PTGIS: variants seen among roughly 807,000 people sequenced by gnomAD.
PTGIS encodes the protein prostaglandin I2 synthase.
Under a neutral mutation model 50.3 loss-of-function variants are expected in PTGIS, and 45 were observed. The ratio of observed to expected loss-of-function variants is 0.90; its 90% CI spans 0.70 to 1.15. The LOEUF (loss-of-function observed/expected upper bound fraction) is 1.15, where lower values mean the gene tolerates loss of function less well. PTGIS is among the 50% of genes most tolerant of loss of function. PTGIS has a pLI of 0.00. For synonymous variants in PTGIS, 260 were observed against 267.7 expected (o/e 0.97, Z 0.28); for missense variants, 668 against 661.3 (o/e 1.01, Z -0.11).
chr20:49,514,856 C>T lies in PTGIS; in HGVS notation c.856-461G>A, dbSNP rs529054662. Reference sequence around the variant, plus strand: ...CCTGCCCTTTGAATTTATGCTCAGCCGTGGACTTGCTTTGGCCAATAGATT... The same window carrying T: ...CCTGCCCTTTGAATTTATGCTCAGCTGTGGACTTGCTTTGGCCAATAGATT... On this transcript the variant is annotated intron_variant, in intron 6 of 9. Coordinates refer to ENST00000244043, the MANE Select transcript of PTGIS (RefSeq NM_000961.4). 1.8e-4 allele frequency among the ~76,000 whole-genome samples: 28 copies of T among 152,290 alleles called. 1 individual carries two copies. In the Middle Eastern group the frequency reaches 0.017, roughly 92 times the overall value.
intron 5 of PTGIS, among the ~76,000 whole-genome samples, chr20:49,537,410 A>T (rs1982107075): frequency 1.3e-5 from 2 of 152,230 alleles, no homozygotes; most frequent in South Asian, 4.1e-4. Flanking sequence ...AGTTGAGTGA[A>T]AGCTGTAAGC....
rs181633053 is a variant in PTGIS, at chr20:49,556,878, T to C, written c.75-6689A>G. On this transcript the variant is annotated intron_variant, in intron 1 of 9. Coordinates refer to ENST00000244043, the MANE Select transcript of PTGIS (RefSeq NM_000961.4). Reference sequence around the variant, plus strand: ...TTCAATGTTTTCCCTTCTTTTTTTTTTCCTCCCCTCATTTTTCCTGATGTG... The same window carrying C: ...TTCAATGTTTTCCCTTCTTTTTTTTCTCCTCCCCTCATTTTTCCTGATGTG... Among the ~76,000 whole-genome samples the C allele has an allele frequency of 7.4e-4, 112 of 152,312 alleles. 1 individual carries two copies. The South Asian group carries it at 0.019, about 26-fold the overall frequency.
intron 5 of PTGIS, among the ~76,000 whole-genome samples, chr20:49,531,462 G>A (rs1277858704): frequency 1.3e-5 from 2 of 152,044 alleles, no homozygotes; most frequent in Non-Finnish European, 2.9e-5. Context: ...CACTACAGAC[G>A]TTCAACAAAA....
chr20:49,522,527 T>G (rs2122852842), intron 6 of PTGIS, among the ~76,000 whole-genome samples: 1 of 152,094 alleles, frequency 6.6e-6, no homozygotes, highest in Admixed American at 6.5e-5. Context: ...GGAATCTCAC[T>G]ATGTTGCCCA....
chr20:49,545,004 G>A (rs949289759), intron 3 of PTGIS, among the ~76,000 whole-genome samples: 2 of 152,222 alleles, frequency 1.3e-5, no homozygotes, highest in East Asian at 1.9e-4. Flanking sequence ...AGGCATGGTG[G>A]CTCCCACCTG....
At position 49,568,087 on chromosome 20, in the gene PTGIS, C is replaced by T. The variant is rs1306246976; in HGVS notation, c.30G>A (p.Leu10=). The part of the protein sequence containing the change: MAWAALLGL[L]AALLLLLLLS... ...GTAGCAGCAGCAGCAACAGTGCGGC[C>T]AGGAGGCCGAGGAGCGCGGCCCAAG... Residue 10 remains leucine, a synonymous_variant, in exon 1 of 10, where the codon CTG becomes CTA. Coordinates refer to ENST00000244043, the MANE Select transcript of PTGIS (RefSeq NM_000961.4). 2 of 1,411,420 alleles carry T rather than the reference C, an allele frequency of 1.4e-6. No individual in the cohort carries two copies. Among genetic ancestry groups the T allele is most frequent in the Admixed American group, 2.6e-5 (1 of 38,966 alleles). The allele number at this position is 1,411,420 out of a possible 1,614,324, so 87.4% of individuals were successfully genotyped here. A position where few individuals can be genotyped will look rare whatever the true frequency, so the allele number is the denominator to read the frequency against.
At chr20:49,549,956 G>A in intron 2 of PTGIS, 110 bp downstream of exon 2, 15 of 1,559,110 alleles carry the variant, frequency 9.6e-6, no homozygotes, top group Non-Finnish European at 1.3e-5. Context: ...GATGTTGGAT[G>A]GTGGGGTGGG....
chr20:49,532,989 G>T (rs1981973481), intron 5 of PTGIS, among the ~76,000 whole-genome samples: 1 of 152,188 alleles, frequency 6.6e-6, no homozygotes, highest in Admixed American at 6.5e-5. Context: ...ATGAATGAGG[G>T]CTGCCAGGCC....
At chr20:49,510,337 A>C (rs1386029814) in intron 9 of PTGIS, among the ~76,000 whole-genome samples, 1 of 152,204 alleles carries the variant, frequency 6.6e-6, no homozygotes, top group African/African-American at 2.4e-5. Context: ...CAATAATGAT[A>C]TTAACAATTA....
At chr20:49,553,290 AT>A (rs1211558780) in intron 1 of PTGIS, among the ~76,000 whole-genome samples, 2 of 152,106 alleles carry the variant, frequency 1.3e-5, no homozygotes, top group Non-Finnish European at 2.9e-5. Flanking sequence ...GGCATTTAAT[AT>A]TGTTCATTTA....
chr20:49,514,575 G>A (rs1343777980), intron 6 of PTGIS, among the ~76,000 whole-genome samples, 180 bp from the exon 7 acceptor site: 1 of 152,216 alleles, frequency 6.6e-6, no homozygotes, highest in African/African-American at 2.4e-5. Context: ...CTGCCCTGTG[G>A]CCCAAAATAC....
chr20:49,527,339 C>T lies in PTGIS; in HGVS notation c.674-3100G>A, dbSNP rs549046747. Among the ~76,000 whole-genome samples, 594 of 151,548 alleles carry T rather than the reference C, an allele frequency of 3.9e-3. 7 individuals are homozygous for T. Among genetic ancestry groups the T allele is most frequent in the African/African-American group, 0.014 (566 of 41,366 alleles). On this transcript the variant is annotated intron_variant, in intron 5 of 9. Transcript: ENST00000244043. ...AGGCATGGTGGTGTGTACCTGTAAT[C>T]CCAGCTACTCAGGAGGCTGAGGCAC...
intron 5 of PTGIS, among the ~76,000 whole-genome samples, chr20:49,531,707 C>T (rs757169912): frequency 6.6e-6 from 1 of 152,092 alleles, no homozygotes; most frequent in Non-Finnish European, 1.5e-5. Flanking sequence ...GCTCACTGCA[C>T]CCTCAACCTC....
chr20:49,539,595 T>A lies in PTGIS; in HGVS notation c.648A>T (p.Lys216Asn). Residue 216 changes from lysine (K) to asparagine (N), a missense_variant, in exon 5 of 10, where the codon AAA becomes AAT. By Grantham distance (94) the Lys-to-Asn change is moderately conservative. Coordinates refer to ENST00000244043, the MANE Select transcript of PTGIS (RefSeq NM_000961.4). ...TFRQLDRLLP[K>N]LARGSLSVGD... ...CCACTGACAGGGAGCCACGGGCCAG[T>A]TTGGGGAGCAGCCGGTCGAGCTGGC... The A allele has an allele frequency of 6.2e-7, 1 of 1,613,648 alleles. No individual in the cohort carries two copies. Among genetic ancestry groups the A allele is most frequent in the African/African-American group, 1.3e-5 (1 of 74,966 alleles).
At chr20:49,565,410 G>C (rs1009385912) in intron 1 of PTGIS, among the ~76,000 whole-genome samples, 1 of 152,118 alleles carries the variant, frequency 6.6e-6, no homozygotes. Flanking sequence ...GGTTCACACC[G>C]GTAATTCCAG....
At position 49,504,271 on chromosome 20, in the gene PTGIS, C is replaced by A. The variant is rs1022138047; in HGVS notation, c.*3649G>T. On this transcript the variant is annotated 3_prime_UTR_variant, in exon 10 of 10. Coordinates refer to ENST00000244043, the MANE Select transcript of PTGIS (RefSeq NM_000961.4). ...TAACAGAGAAGAGAGAGCTCTCAGC[C>A]TTGGCCACACCAGCATGGAGCCCCC... The A allele has an allele frequency of 6.6e-6, 1 of 152,282 alleles. No individual in the cohort carries two copies. Among genetic ancestry groups the A allele is most frequent in the African/African-American group, 2.4e-5 (1 of 41,464 alleles). The allele number at this position is 152,282 out of a possible 1,614,324, so 9.4% of individuals were successfully genotyped here.
Position 49,568,119 on chromosome 20 carries a change from C to CGGGGCTGGT in PTGIS, c.-4_-3insACCAGCCCC. Reference sequence around the variant, plus strand: ...CCGAGGAGCGCGGCCCAAGCCATCGCGGGGCTGGCGGGGCTGGCGGGGCTG... The same window carrying CGGGGCTGGT: ...CCGAGGAGCGCGGCCCAAGCCATCGCGGGGCTGGTGGGGCTGGCGGGGCTGGCGGGGCTG... On this transcript the variant is annotated 5_prime_UTR_variant, in exon 1 of 10. Transcript: ENST00000244043. The CGGGGCTGGT allele has an allele frequency of 4.9e-6, 5 of 1,011,182 alleles. No homozygotes were observed. The highest frequency in any genetic ancestry group is 6.5e-6 in the Non-Finnish European group (5 of 765,810). The allele number at this position is 1,011,182 out of a possible 1,614,324, so 62.6% of individuals were successfully genotyped here. A position where few individuals can be genotyped will look rare whatever the true frequency, so the allele number is the denominator to read the frequency against.
intron 9 of PTGIS, among the ~76,000 whole-genome samples, chr20:49,510,176 C>T (rs1568667269): frequency 6.6e-6 from 1 of 151,766 alleles, no homozygotes; most frequent in Non-Finnish European, 1.5e-5. Context: ...GGCGTGAATC[C>T]CTGCAGTTTT....
intron 4 of PTGIS, 132 bp downstream of exon 4, chr20:49,544,173 G>A (rs1568681389): frequency 8.1e-7 from 1 of 1,240,522 alleles, no homozygotes; most frequent in Non-Finnish European, 1.1e-6. Flanking sequence ...CTTTCCTACA[G>A]TCTTTGCTTT....
Sources: gnomAD v4.1 joint callset for allele counts (sites outside exome capture counted in the v4.1 genomes callset) on GRCh38, gnomAD v4.1.1 for gene constraint, MANE v1.5 for transcripts, NCBI Gene and HGNC (gene_info 2026-07-23, HGNC 2026-07-21) for gene names.